Variants in USP34 observed in about 807,000 individuals in gnomAD.
The protein encoded by USP34 is ubiquitin specific peptidase 34, also known as ubiquitin carboxyl-terminal hydrolase 34.
Under a neutral mutation model 460.3 loss-of-function variants are expected in USP34, and 70 were observed. That is an observed-to-expected ratio of 0.15 (90% CI 0.13 to 0.19). The LOEUF is 0.19. Ranked by LOEUF, USP34 falls within the 10% of genes least tolerant of loss-of-function variation. The pLI is 1.00. For missense variants in USP34, 3,985 were observed against 4,236.2 expected (o/e 0.94, Z 1.65); for synonymous variants, 1,647 against 1,405.3 (o/e 1.17, Z -3.85).
At chr2:61,444,705 T>C (rs1157999211) in intron 1 of USP34, among the ~76,000 whole-genome samples, 1 of 152,106 alleles carries the variant, frequency 6.6e-6, no homozygotes, top group Non-Finnish European at 1.5e-5. Flanking sequence ...TTTCACGGGC[T>C]ACCTGAATGA....
chr2:61,296,681 TG>T, intron 30 of USP34, 118 bp downstream of exon 30: 1 of 1,060,632 alleles, frequency 9.4e-7, no homozygotes, highest in Non-Finnish European at 1.3e-6. Flanking sequence ...ACCTACTATA[TG>T]GGTAAAAACT....
At chr2:61,277,322 G>A (rs1053330939) in intron 41 of USP34, among the ~76,000 whole-genome samples, 3 of 148,456 alleles carry the variant, frequency 2.0e-5, no homozygotes, top group South Asian at 4.2e-4. Context: ...CTGAAGCCTC[G>A]ACCTCCTGAG....
chr2:61,192,543 GAGGT>G lies in USP34; in HGVS notation c.9588+354_9588+357del, dbSNP rs943660269. 6.0e-4 allele frequency among the ~76,000 whole-genome samples: 92 copies of G among 152,346 alleles called. 1 individual carries two copies. Among genetic ancestry groups the G allele is most frequent in the African/African-American group, 2.0e-3 (82 of 41,580 alleles). ...CTAGAGGTTTTGGAATGGTGGAAAAGAGGTAGAGACAGGGAGGTGAAGGAGAGGA... is the reference window on the plus strand; with the variant it reads ...CTAGAGGTTTTGGAATGGTGGAAAAGAGAGACAGGGAGGTGAAGGAGAGGA... On this transcript the variant is annotated intron_variant, in intron 76 of 79. Coordinates refer to ENST00000398571, the MANE Select transcript of USP34 (RefSeq NM_014709.4).
intron 8 of USP34, among the ~76,000 whole-genome samples, chr2:61,372,423 T>C (rs936100605): frequency 1.3e-5 from 2 of 152,318 alleles, no homozygotes; most frequent in Middle Eastern, 6.8e-3. Flanking sequence ...TTTAAGTCTA[T>C]TAAAGGACAT....
At chr2:61,366,623 T>C (rs1345711682) in intron 10 of USP34, among the ~76,000 whole-genome samples, 2 of 152,154 alleles carry the variant, frequency 1.3e-5, no homozygotes, top group African/African-American at 2.4e-5. Context: ...ATGAGAAAAG[T>C]ACGAGTAGTT....
chr2:61,365,465 G>A (rs183102631), intron 10 of USP34, among the ~76,000 whole-genome samples: 102 of 152,058 alleles, frequency 6.7e-4, no homozygotes, highest in African/African-American at 2.4e-3. Flanking sequence ...AGGAAATGAG[G>A]AGAACATTCA....
intron 1 of USP34, among the ~76,000 whole-genome samples, chr2:61,469,641 C>T (rs1358383411): frequency 1.3e-5 from 2 of 152,132 alleles, no homozygotes; most frequent in Admixed American, 6.6e-5. Context: ...AATTGTATTA[C>T]AAAATTAGAT....
chr2:61,357,789 G>A (rs1692150741), intron 10 of USP34, among the ~76,000 whole-genome samples: 1 of 152,164 alleles, frequency 6.6e-6, no homozygotes, highest in Non-Finnish European at 1.5e-5. Flanking sequence ...TGTAGTCCTA[G>A]CTACTTGAGA....
intron 29 of USP34, among the ~76,000 whole-genome samples, chr2:61,299,896 CATCT>C (rs1452211572): frequency 6.6e-6 from 1 of 152,192 alleles, no homozygotes. Flanking sequence ...GTTCCTCAGG[CATCT>C]ATCTATCCTT....
At chr2:61,341,873 C>T (rs1324692378) in intron 16 of USP34, among the ~76,000 whole-genome samples, 3 of 150,712 alleles carry the variant, frequency 2.0e-5, no homozygotes, top group African/African-American at 7.3e-5. Context: ...AGTGATTCTC[C>T]TGCCTCAGCG....
At chr2:61,220,151 T>TAAAAAAAAAAAAAAA (rs60784334) in intron 67 of USP34, 159 bp downstream of exon 67, 1 of 157,514 alleles carries the variant, frequency 6.3e-6, no homozygotes, top group Non-Finnish European at 1.1e-5. Flanking sequence ...TTTCCTATCC[T>TAAAAAAAAAAAAAAA]AAAAAAAAAA....
In USP34 at chr2:61,278,270, A is replaced by T. The variant is rs746195173; in HGVS notation, c.5328T>A (p.Asp1776Glu). 1.9e-6 allele frequency: 3 copies of T among 1,613,726 alleles called. No individual in the cohort carries two copies. The Admixed American group carries it at 5.0e-5, about 27-fold the overall frequency. The change falls in exon 41 of 80, where the codon GAT becomes GAA. Residue 1776 changes from aspartate (D) to glutamate (E), a missense_variant. Transcript: ENST00000398571. ...CATCTTCTACATTACCATCCTGATG[A>T]TCAAGGATCTCCCTACTACAAAAAA... is the stretch of plus-strand genomic sequence containing the variant. ...ADCIRSREIL[D>E]HQDGNVEDDG...
rs980378383 is a variant in USP34 at position 61,206,064 on chromosome 2, G to A, written c.9107C>T (p.Thr3036Ile). ...ERIEFAHKLL[T>I]LLNSYSPPEL... ...TGGAGGACTATAGGAATTAAGAAGA[G>A]TTAACAGTTTATGGGCAAATTCAAT... Residue 3036 changes from threonine to isoleucine, a missense_variant, in exon 72 of 80, where the codon ACT becomes ATT. Physicochemically the swap from Thr to Ile is moderately conservative, Grantham distance 89. Around this residue, in one of 14 missense-constraint regions of USP34, gnomAD observed 275 missense variants for 292.7 expected, o/e 0.94. Transcript: ENST00000398571. The A allele has an allele frequency of 6.2e-7, 1 of 1,613,680 alleles. No homozygotes were observed. Among genetic ancestry groups the A allele is most frequent in the South Asian group, 1.1e-5 (1 of 91,070 alleles).
chr2:61,232,264 T>C (rs1412687367), intron 58 of USP34, among the ~76,000 whole-genome samples, 188 bp downstream of exon 58: 1 of 152,184 alleles, frequency 6.6e-6, no homozygotes, highest in Admixed American at 6.5e-5. Flanking sequence ...AATCACCTTA[T>C]TAGAGTGAGA....
intron 53 of USP34, among the ~76,000 whole-genome samples, chr2:61,240,007 T>C (rs1258876600): frequency 2.2e-4 from 17 of 78,436 alleles, no homozygotes; most frequent in Non-Finnish European, 3.7e-4. Context: ...CGAGACTCCT[T>C]CTCAAAAAAA....
At chr2:61,334,595 A>T (rs1452535573) in intron 18 of USP34, among the ~76,000 whole-genome samples, 3 of 152,264 alleles carry the variant, frequency 2.0e-5, no homozygotes, top group South Asian at 2.1e-4. Flanking sequence ...TCATGAAAAA[A>T]TTTTTCACAA....
chr2:61,268,166 C>T (rs1030164218), intron 41 of USP34, among the ~76,000 whole-genome samples: 1 of 152,022 alleles, frequency 6.6e-6, no homozygotes, highest in African/African-American at 2.4e-5. Context: ...TTTTTGGTGA[C>T]TGATATGGTT....
At position 61,246,377 on chromosome 2, in the gene USP34, A is replaced by G; in HGVS notation, c.6495T>C (p.Tyr2165=). 1 of 1,610,498 alleles carries G rather than the reference A, an allele frequency of 6.2e-7. No individual in the cohort carries two copies. The highest frequency in any genetic ancestry group is 8.5e-7 in the Non-Finnish European group (1 of 1,178,012). Reference sequence around the variant, plus strand: ...TTACTATATCTCTGATAAAGCTATAATAGTGTCCACCATCTGCCGTTCCTG... The same window carrying G: ...TTACTATATCTCTGATAAAGCTATAGTAGTGTCCACCATCTGCCGTTCCTG... ...VHTGTADGGH[Y]YSFIRDIVNP... Residue 2165 remains tyrosine, a synonymous_variant, in exon 50 of 80, where the codon TAT becomes TAC. Transcript: ENST00000398571.
intron 3 of USP34, among the ~76,000 whole-genome samples, chr2:61,403,024 G>A (rs1005004635): frequency 5.3e-5 from 8 of 151,950 alleles, no homozygotes; most frequent in South Asian, 2.1e-4. Context: ...TAGAAACCTC[G>A]GAAACAACTA....
Sources: allele counts gnomAD v4.1 joint callset (sites outside exome capture counted in the v4.1 genomes callset), GRCh38; gene constraint gnomAD v4.1.1; regional missense constraint gnomAD v4.1.1; transcripts MANE v1.5; gene names NCBI Gene and HGNC (gene_info 2026-07-23, HGNC 2026-07-21).